DNAH11: variants seen among roughly 807,000 people sequenced by gnomAD.
DNAH11 encodes axonemal beta dynein heavy chain 11.
In DNAH11, 442 loss-of-function variants were observed where a neutral mutation model predicts 526.0. The ratio of observed to expected loss-of-function variants is 0.84; its 90% CI spans 0.78 to 0.91. The LOEUF (loss-of-function observed/expected upper bound fraction) is 0.91. Ranked by LOEUF, DNAH11 falls within the 40% of genes least tolerant of loss-of-function variation. DNAH11 has a pLI of 0.00. For synonymous variants in DNAH11, 2,461 were observed against 1,935.9 expected, an observed-to-expected ratio of 1.27 and a Z score of -7.12; for missense variants, 6,989 against 5,448.7, an observed-to-expected ratio of 1.28 and a Z score of -8.90.
chr7:21,878,890 T>C (rs1380511772), intron 74 of DNAH11, among the ~76,000 whole-genome samples: 1 of 152,214 alleles, frequency 6.6e-6, no homozygotes, highest in African/African-American at 2.4e-5. Flanking sequence ...AAATGTGAAC[T>C]GGCTATAGTT....
intron 55 of DNAH11, among the ~76,000 whole-genome samples, chr7:21,769,673 CAG>C (rs1384867837): frequency 6.6e-6 from 1 of 151,934 alleles, no homozygotes; most frequent in Non-Finnish European, 1.5e-5. Context: ...TTAGTAGAGA[CAG>C]GGTTTCACCA....
chr7:21,703,546 G>C, intron 37 of DNAH11: 1 of 152,258 alleles, frequency 6.6e-6, no homozygotes, highest in Non-Finnish European at 1.5e-5. Flanking sequence ...TGGCAGGAGA[G>C]AGAGAGAATG....
chr7:21,833,975 A>T (rs2128010491), intron 65 of DNAH11, among the ~76,000 whole-genome samples: 1 of 152,280 alleles, frequency 6.6e-6, no homozygotes, highest in Non-Finnish European at 1.5e-5. Flanking sequence ...GAAACATCAG[A>T]GTTAAACCAC....
At chr7:21,705,238 T>G (rs1021653198) in intron 38 of DNAH11, among the ~76,000 whole-genome samples, 1 of 152,228 alleles carries the variant, frequency 6.6e-6, no homozygotes, top group Non-Finnish European at 1.5e-5. Flanking sequence ...GAGTACTGCG[T>G]AAAATCGTGG....
At position 21,705,490 on chromosome 7, in the gene DNAH11, C is replaced by T. The variant is rs750245529; in HGVS notation, c.6499C>T (p.Arg2167Trp). 51 of 1,613,574 alleles carry T rather than the reference C, an allele frequency of 3.2e-5. No homozygotes were observed. Among genetic ancestry groups the T allele is most frequent in the Admixed American group, 2.3e-4 (14 of 59,984 alleles). ...VVQLEELLAV[R>W]HSVFVVGNAG... is the part of the protein sequence containing the mutation. ...CCAGCTTGAGGAACTGTTGGCTGTG[C>T]GGCACTCGGTCTTTGTAGTTGGAAA... Residue 2167 changes from arginine to tryptophan, a missense_variant, in exon 39 of 82, where the codon CGG (arginine) becomes TGG (tryptophan). Transcript: ENST00000409508.
chr7:21,713,385 G>A (rs185712553), intron 42 of DNAH11, among the ~76,000 whole-genome samples: 11 of 152,218 alleles, frequency 7.2e-5, no homozygotes, highest in Non-Finnish European at 1.2e-4. Flanking sequence ...AGGACAGTGA[G>A]GTCAGGCTGT....
At chr7:21,791,431 C>A (rs1317268910) in intron 61 of DNAH11, among the ~76,000 whole-genome samples, 1 of 152,174 alleles carries the variant, frequency 6.6e-6, no homozygotes, top group Non-Finnish European at 1.5e-5. Flanking sequence ...ACTTGATCCC[C>A]CATCTCTAGA....
At position 21,830,691 on chromosome 7, in the gene DNAH11, A is replaced by T. The variant is rs186622634; in HGVS notation, c.10692-11853A>T. 6.8e-3 allele frequency among the ~76,000 whole-genome samples: 1,035 copies of T among 152,132 alleles called. 2 individuals are homozygous for T. The highest frequency in any genetic ancestry group is 0.011 in the South Asian group (51 of 4,808). Reference sequence around the variant, plus strand: ...AACTCTTTAGGTCCATAAAAAAAAAATCAGTTGAGTGATCTCTAGTGGCTC... The same window carrying T: ...AACTCTTTAGGTCCATAAAAAAAAATTCAGTTGAGTGATCTCTAGTGGCTC... On this transcript the variant is annotated intron_variant, in intron 65 of 81. Transcript: ENST00000409508.
At chr7:21,808,285 T>G (rs940872608) in intron 63 of DNAH11, among the ~76,000 whole-genome samples, 1 of 152,200 alleles carries the variant, frequency 6.6e-6, no homozygotes, top group Non-Finnish European at 1.5e-5. Context: ...TATATATTTT[T>G]GGGGTAATGT....
At position 21,683,934 on chromosome 7, in the gene DNAH11, C is replaced by G. The variant is rs370425262; in HGVS notation, c.5611C>G (p.Leu1871Val). The G allele has an allele frequency of 7.4e-6, 12 of 1,612,882 alleles. No individual in the cohort carries two copies. In the East Asian group the frequency reaches 1.8e-4, roughly 24 times the overall value. The change falls in exon 32 of 82, where the codon CTA (leucine) becomes GTA (valine). Residue 1871 changes from leucine to valine, a missense_variant. By Grantham distance (32) the Leu-to-Val change is conservative. Coordinates refer to ENST00000409508, the MANE Select transcript of DNAH11 (RefSeq NM_001277115.2). Reference protein sequence around the residue: ...GNSPRLVITPLTDRCYITLTQ... With the variant: ...GNSPRLVITPVTDRCYITLTQ... The stretch of plus-strand genomic sequence containing the variant: ...CAGCCCTCGACTAGTGATCACTCCT[C>G]TAACTGACAGGTAACAATTCAAAGT...
At position 21,800,617 on chromosome 7, in the gene DNAH11, C is replaced by T. The variant is rs3735524; in HGVS notation, c.10027-520C>T. Among the ~76,000 whole-genome samples the T allele has an allele frequency of 6.7e-4, 102 of 152,050 alleles. No homozygotes were observed. In the East Asian group the frequency reaches 0.013, roughly 20 times the overall value. ...ATCGCATCCAGCCTGAGCAACAGAG[C>T]AATACTCATTCCAAAAAAAATGAAA... On this transcript the variant is annotated intron_variant, in intron 61 of 81. Transcript: ENST00000409508.
Position 21,886,063 on chromosome 7 carries a change from A to C in DNAH11, c.12507+1653A>C, listed in dbSNP as rs185783778. 1.2e-3 allele frequency among the ~76,000 whole-genome samples: 178 copies of C among 152,306 alleles called. 1 individual carries two copies. In the Middle Eastern group the frequency reaches 0.027, roughly 23 times the overall value. ...TCTTGGAAACGTAAAGCACCTGTAC[A>C]CCATATCATGTCTATTTCCAGTTGG... On this transcript the variant is annotated intron_variant, in intron 76 of 81. Coordinates refer to ENST00000409508, the MANE Select transcript of DNAH11 (RefSeq NM_001277115.2).
At chr7:21,590,307 TA>T (rs1784626982) in intron 12 of DNAH11, among the ~76,000 whole-genome samples, 1 of 152,204 alleles carries the variant, frequency 6.6e-6, no homozygotes, top group Non-Finnish European at 1.5e-5. Context: ...AGACATAAAA[TA>T]AGCTTTCTTT....
chr7:21,605,353 A>G (rs1008278340), intron 18 of DNAH11, among the ~76,000 whole-genome samples: 2 of 152,208 alleles, frequency 1.3e-5, no homozygotes, highest in East Asian at 3.9e-4. Flanking sequence ...CGAGAGGAAC[A>G]ATTCTTTGTT....
At chr7:21,774,022 C>A in intron 56 of DNAH11, 23 bp downstream of exon 56, 4 of 1,511,498 alleles carry the variant, frequency 2.6e-6, no homozygotes, top group Non-Finnish European at 3.5e-6. Context: ...TGTGTTATTA[C>A]TGAGTAATAT....
intron 8 of DNAH11, among the ~76,000 whole-genome samples, chr7:21,581,554 C>T (rs1216405276): frequency 6.6e-6 from 1 of 152,070 alleles, no homozygotes; most frequent in Non-Finnish European, 1.5e-5. Flanking sequence ...TTCTGAAAAA[C>T]TTCACTTTTT....
At chr7:21,676,002 G>A (rs759958658) in intron 30 of DNAH11, among the ~76,000 whole-genome samples, 24 of 152,110 alleles carry the variant, frequency 1.6e-4, no homozygotes, top group Non-Finnish European at 3.1e-4. Context: ...GATGACTCCC[G>A]GAACATGAAG....
chr7:21,894,859 G>A (rs766365962), intron 78 of DNAH11, 25 bp from the exon 79 acceptor site: 2 of 1,613,346 alleles, frequency 1.2e-6, no homozygotes, highest in South Asian at 2.2e-5. Flanking sequence ...GATATTCACT[G>A]TGTGGCTTTT....
At chr7:21,560,932 G>A (rs1032788201) in intron 4 of DNAH11, 139 bp from the exon 5 acceptor site, 3 of 620,806 alleles carry the variant, frequency 4.8e-6, no homozygotes, top group Non-Finnish European at 8.2e-6. Context: ...TTTTCAACTG[G>A]AAACCAGATA....
Sources: allele counts gnomAD v4.1 joint callset (sites outside exome capture counted in the v4.1 genomes callset), GRCh38; gene constraint gnomAD v4.1.1; transcripts MANE v1.5; gene names NCBI Gene and HGNC (gene_info 2026-07-23, HGNC 2026-07-21).